PSMB2: variants seen among roughly 807,000 people sequenced by gnomAD.
The protein encoded by PSMB2 is proteasome 20S subunit beta 2.
In PSMB2, 13 loss-of-function variants were observed where a neutral mutation model predicts 25.7. The observed-to-expected ratio is 0.51, with a 90% confidence interval of 0.33 to 0.80. The LOEUF is 0.80. Ranked by LOEUF, PSMB2 falls within the 30% of genes least tolerant of loss-of-function variation. The pLI, the probability that PSMB2 is intolerant of heterozygous loss-of-function variation, is 0.02. For missense variants in PSMB2, 202 were observed against 259.0 expected (o/e 0.78, Z 1.51); for synonymous variants, 87 against 96.2 (o/e 0.90, Z 0.56).
In PSMB2 at chr1:35,603,004, G is replaced by A. The variant is rs1219944885; in HGVS notation, c.*263C>T. On this transcript the variant is annotated 3_prime_UTR_variant, in exon 6 of 6. Transcript: ENST00000373237. ...CAAGCATGGAGTAGAACGTGGGGCCGTCAGCTGCTAAAGGGTACTGAGCGT... is the reference window on the plus strand; with the variant it reads ...CAAGCATGGAGTAGAACGTGGGGCCATCAGCTGCTAAAGGGTACTGAGCGT... The A allele has an allele frequency of 2.2e-5, 25 of 1,142,980 alleles. No individual in the cohort carries two copies. The highest frequency in any genetic ancestry group is 4.4e-5 in the Admixed American group (1 of 22,570). 70.8% of individuals were successfully genotyped at this position (1,142,980 alleles called of 1,614,324 possible). A position where few individuals can be genotyped will look rare whatever the true frequency, so the allele number is the denominator to read the frequency against.
At position 35,641,519 on chromosome 1, in the gene PSMB2, C is replaced by T; in HGVS notation, c.-87G>A. On this transcript the variant is annotated 5_prime_UTR_variant, in exon 1 of 6. Transcript: ENST00000373237. ...TCACCGGTGAGACAGCACCTCAGAG[C>T]GAAGATTGGCGCGACGCCTGCAGCA... The T allele has an allele frequency of 1.3e-6, 2 of 1,576,310 alleles. No individual in the cohort carries two copies. The highest frequency in any genetic ancestry group is 1.1e-5 in the South Asian group (1 of 88,194).
At chr1:35,633,766 C>T (rs1374598949) in intron 2 of PSMB2, among the ~76,000 whole-genome samples, 1 of 152,276 alleles carries the variant, frequency 6.6e-6, no homozygotes, top group South Asian at 2.1e-4. Flanking sequence ...CCTTATTCAT[C>T]TTTGAATTCT....
rs532017828 is a variant in PSMB2, at chr1:35,606,017, T to C, written c.449-735A>G. Among the ~76,000 whole-genome samples the C allele has an allele frequency of 2.6e-5, 4 of 152,280 alleles. No individual in the cohort carries two copies. The East Asian group carries it at 7.7e-4, about 29-fold the overall frequency. On this transcript the variant is annotated intron_variant, in intron 4 of 5. Transcript: ENST00000373237. The stretch of plus-strand genomic sequence containing the variant: ...AAAAAGAATGAACATGCCAGATTCT[T>C]ACGATACTGACAGTGAAGAATGGAA...
chr1:35,627,348 G>A (rs1459430448), intron 3 of PSMB2, among the ~76,000 whole-genome samples: 1 of 149,270 alleles, frequency 6.7e-6, no homozygotes, highest in East Asian at 2.0e-4. Flanking sequence ...TGACCAAACA[G>A]CAATCGCAGC....
chr1:35,611,331 C>T (rs1650326126), intron 3 of PSMB2, among the ~76,000 whole-genome samples: 1 of 151,390 alleles, frequency 6.6e-6, no homozygotes. Context: ...ATGGTTTTTG[C>T]TTTTTTTGGG....
intron 3 of PSMB2, among the ~76,000 whole-genome samples, chr1:35,617,587 T>C (rs1012919721): frequency 2.0e-5 from 3 of 152,140 alleles, no homozygotes; most frequent in Non-Finnish European, 2.9e-5. Flanking sequence ...GCATTTATTG[T>C]ATGAGAAGCA....
chr1:35,604,393 AG>A (rs747250574), intron 5 of PSMB2, among the ~76,000 whole-genome samples: 12 of 152,122 alleles, frequency 7.9e-5, no homozygotes, highest in Non-Finnish European at 1.5e-4. Flanking sequence ...TTCTTAGGGG[AG>A]GCTTTTTCTC....
chr1:35,617,444 T>G (rs1325207063), intron 3 of PSMB2, among the ~76,000 whole-genome samples: 1 of 152,170 alleles, frequency 6.6e-6, no homozygotes, highest in East Asian at 1.9e-4. Context: ...AATACACAGT[T>G]TATAAAAGCC....
Position 35,600,389 on chromosome 1 carries a change from G to T in PSMB2, c.*2878C>A. The T allele has an allele frequency of 1.2e-6, 1 of 819,864 alleles. No individual in the cohort carries two copies. Among genetic ancestry groups the T allele is most frequent in the Non-Finnish European group, 1.5e-6 (1 of 679,298 alleles). The allele number at this position is 819,864 out of a possible 1,614,324, so 50.8% of individuals were successfully genotyped here. A position where few individuals can be genotyped will look rare whatever the true frequency, so the allele number is the denominator to read the frequency against. On this transcript the variant is annotated 3_prime_UTR_variant, in exon 6 of 6. Coordinates refer to ENST00000373237, the MANE Select transcript of PSMB2 (RefSeq NM_002794.5). ...CAACCAATGTTGGTTTCTCAGTTTT[G>T]ACAAACATACTGTGGTATATAGAAG...
At chr1:35,636,736 T>C (rs1651254624) in intron 1 of PSMB2, among the ~76,000 whole-genome samples, 1 of 152,194 alleles carries the variant, frequency 6.6e-6, no homozygotes, top group Non-Finnish European at 1.5e-5. Context: ...AGAGATGATT[T>C]GAAGTACACA....
rs1553125213 is a variant in PSMB2 at position 35,628,648 on chromosome 1, T to TTTTTTTTTTTTA, written c.285+2625_285+2626insTAAAAAAAAAAA. ...ATATATATATTTTTTTTTTTTTTTT[T>TTTTTTTTTTTTA]AAAGAAAAGACTACTGATCTTTCAC... On this transcript the variant is annotated intron_variant, in intron 3 of 5. Transcript: ENST00000373237. 1.4e-3 allele frequency among the ~76,000 whole-genome samples: 47 copies of TTTTTTTTTTTTA among 34,730 alleles called. 1 individual carries two copies. The highest frequency in any genetic ancestry group is 3.0e-3 in the Non-Finnish European group (35 of 11,612). 22.8% of individuals were successfully genotyped at this position (34,730 alleles called of 152,430 possible).
chr1:35,628,629 A>ATTTTTTTT (rs1401010119), intron 3 of PSMB2, among the ~76,000 whole-genome samples: 4 of 43,588 alleles, frequency 9.2e-5, no homozygotes, highest in African/African-American at 4.4e-4. Flanking sequence ...ATATATATAT[A>ATTTTTTTT]TATTTTTTTT....
Position 35,609,024 on chromosome 1 carries a change from G to A in PSMB2, c.448+222C>T, listed in dbSNP as rs574810338. On this transcript the variant is annotated intron_variant, in intron 4 of 5. Transcript: ENST00000373237. ...AAACAAAACCCAGCTCTAGAGATAT[G>A]TACTATCTCATTTTGAATGGCAAAA... Among the ~76,000 whole-genome samples, 4 of 152,304 alleles carry A rather than the reference G, an allele frequency of 2.6e-5. No homozygotes were observed. The South Asian group carries it at 8.3e-4, about 32-fold the overall frequency.
intron 3 of PSMB2, among the ~76,000 whole-genome samples, chr1:35,619,738 G>A (rs1650622138): frequency 6.6e-6 from 1 of 152,176 alleles, no homozygotes; most frequent in Admixed American, 6.5e-5. Flanking sequence ...TCCTATTACA[G>A]TTGTAACTTA....
chr1:35,636,933 TTC>T (rs1486970429), intron 1 of PSMB2, among the ~76,000 whole-genome samples: 8 of 152,236 alleles, frequency 5.3e-5, no homozygotes, highest in Non-Finnish European at 1.0e-4. Context: ...GTATCAATTT[TTC>T]TCTTTCACTC....
At position 35,602,998 on chromosome 1, in the gene PSMB2, G is replaced by A; in HGVS notation, c.*269C>T. ...GGAAGCCAAGCATGGAGTAGAACGT[G>A]GGGCCGTCAGCTGCTAAAGGGTACT... On this transcript the variant is annotated 3_prime_UTR_variant, in exon 6 of 6. Transcript: ENST00000373237. 8.8e-7 allele frequency: 1 copy of A among 1,137,054 alleles called. No individual in the cohort carries two copies. The highest frequency in any genetic ancestry group is 1.6e-5 in the African/African-American group (1 of 62,054). The allele number at this position is 1,137,054 out of a possible 1,614,324, so 70.4% of individuals were successfully genotyped here.
intron 3 of PSMB2, among the ~76,000 whole-genome samples, chr1:35,622,138 A>G (rs1013921236): frequency 6.6e-6 from 1 of 152,180 alleles, no homozygotes; most frequent in Admixed American, 6.6e-5. Context: ...CCTTCATTTT[A>G]GGTAACTGTT....
intron 3 of PSMB2, among the ~76,000 whole-genome samples, chr1:35,611,956 C>A (rs1050448085): frequency 1.3e-5 from 2 of 152,076 alleles, no homozygotes; most frequent in African/African-American, 4.8e-5. Context: ...CAGTCTTGAG[C>A]CACCGTGCCT....
intron 1 of PSMB2, among the ~76,000 whole-genome samples, chr1:35,636,806 T>A (rs1174520782): frequency 6.6e-6 from 1 of 152,198 alleles, no homozygotes; most frequent in East Asian, 1.9e-4. Context: ...ACTTTAAGCA[T>A]CTATGGATTT....
Sources: allele counts gnomAD v4.1 joint callset (sites outside exome capture counted in the v4.1 genomes callset), GRCh38; gene constraint gnomAD v4.1.1; transcripts MANE v1.5; gene names NCBI Gene and HGNC (gene_info 2026-07-23, HGNC 2026-07-21).